SWI5: variants seen among roughly 807,000 people sequenced by gnomAD.
The protein encoded by SWI5 is DNA repair protein SWI5 homolog.
A neutral mutation model predicts 17.0 loss-of-function variants in SWI5; 12 were observed. The observed-to-expected ratio is 0.71, with a 90% CI of 0.45 to 1.14. The LOEUF is 1.14. Among genes scored for constraint, SWI5 ranks in the 50% most tolerant of loss-of-function variants. The pLI is 0.00. For missense variants in SWI5, 158 were observed against 162.2 expected (o/e 0.97, Z 0.14); for synonymous variants, 61 against 64.0 (o/e 0.95, Z 0.22).
chr9:128,276,299 C>A, exon 1 of SWI5: 5 of 1,612,886 alleles, frequency 3.1e-6, no homozygotes, highest in Non-Finnish European at 3.4e-6. Flanking sequence ...GGTCAGAGTT[C>A]CTGGCCCGGT....
At chr9:128,277,948 CTTTTTT>C (rs71381748) in intron 2 of SWI5, among the ~76,000 whole-genome samples, 169 of 80,874 alleles carry the variant, frequency 2.1e-3, no homozygotes, top group African/African-American at 6.9e-3. Context: ...CATTCCTTCT[CTTTTTT>C]TTTTTTTTTT....
chr9:128,284,288 CAAAAAAAA>C (rs78361264), intron 2 of SWI5, among the ~76,000 whole-genome samples: 1 of 79,300 alleles, frequency 1.3e-5, no homozygotes, highest in African/African-American at 4.1e-5. Context: ...GACTCCGTCT[CAAAAAAAA>C]AAAAAAAAAA....
rs775394848 is a variant in SWI5 at position 128,276,804 on chromosome 9, T to TAAGGGG, written c.111+49_111+50insAAGGGG. ...CCCTTTCCCATCCTCGACCTTCCCT[T>TAAGGGG]GTGCGCTCCCGGCCCCACTCCCCAT... On this transcript the variant is annotated intron_variant, in intron 2 of 4. Transcript: ENST00000418976. 3 of 1,553,054 alleles carry TAAGGGG rather than the reference T, an allele frequency of 1.9e-6. No individual in the cohort carries two copies. The African/African-American group carries it at 4.1e-5, about 21-fold the overall frequency.
chr9:128,280,064 A>G (rs1477585299), intron 2 of SWI5, among the ~76,000 whole-genome samples: 3 of 152,196 alleles, frequency 2.0e-5, no homozygotes, highest in African/African-American at 7.2e-5. Flanking sequence ...ATAATTGTCC[A>G]TGATCATCTC....
At position 128,285,995 on chromosome 9, in the gene SWI5, A is replaced by G; in HGVS notation, c.290A>G (p.Asp97Gly). 1 of 1,614,038 alleles carries G rather than the reference A, an allele frequency of 6.2e-7. No homozygotes were observed. The highest frequency in any genetic ancestry group is 2.2e-5 in the East Asian group (1 of 44,882). The change falls in exon 4 of 5, where the codon GAC (aspartate) becomes GGC (glycine). Residue 97 changes from aspartate to glycine, a missense_variant. Transcript: ENST00000418976. This position sits in a 1 kb window ranked among gnomAD's most constrained non-coding sequence, Gnocchi z 4.8. ...ATTACCCAGCTTCACGAGTACAATG[A>G]CATCAAGGATGTGGGGCAGATGCTG... is the stretch of plus-strand genomic sequence containing the variant.
At chr9:128,280,707 C>T (rs1394569788) in intron 2 of SWI5, among the ~76,000 whole-genome samples, 4 of 152,076 alleles carry the variant, frequency 2.6e-5, no homozygotes, top group South Asian at 2.1e-4. Flanking sequence ...TTAGTAGAGA[C>T]GGGGTTTCAC....
rs760180618 is a variant in SWI5 at position 128,276,270 on chromosome 9, T to C, written c.-71T>C. 6 of 1,612,556 alleles carry C rather than the reference T, an allele frequency of 3.7e-6. No individual in the cohort carries two copies. The African/African-American group carries it at 5.3e-5, about 14-fold the overall frequency. On this transcript the variant is annotated 5_prime_UTR_variant, in exon 1 of 5. Transcript: ENST00000418976. ...CCTTGGGTGCGCGCGCAGCTTTCTG[T>C]GCGCCAGTTCACACTCCGGGTCAGA...
At position 128,285,418 on chromosome 9, in the gene SWI5, G is replaced by C. The variant is rs1027203954; in HGVS notation, c.234-521G>C. On this transcript the variant is annotated intron_variant, in intron 3 of 4. Coordinates refer to ENST00000418976, the Ensembl canonical transcript of SWI5. The surrounding 1 kb of genome is among the most constrained non-coding windows in gnomAD (Gnocchi z 4.8). ...CTGAACTAGGACTGGAAAGCTATCT[G>C]GGATGGAAGCTGTTGCTCTTCCAGT... 7.2e-5 allele frequency among the ~76,000 whole-genome samples: 11 copies of C among 152,272 alleles called. No homozygotes were observed. The highest frequency in any genetic ancestry group is 2.6e-4 in the African/African-American group (11 of 41,552).
chr9:128,284,023 C>T (rs1831588411), intron 2 of SWI5, among the ~76,000 whole-genome samples: 1 of 151,506 alleles, frequency 6.6e-6, no homozygotes, highest in Non-Finnish European at 1.5e-5. Flanking sequence ...TGGGGCTAGG[C>T]ACAGTGGCTC....
intron 2 of SWI5, chr9:128,278,587 A>G (rs1831478896): frequency 2.2e-6 from 1 of 447,532 alleles, no homozygotes; most frequent in Admixed American, 2.7e-5. Context: ...AGGAGGCTCT[A>G]TTGAGCATTG....
upstream of SWI5, chr9:128,275,509 T>A: frequency 7.7e-7 from 1 of 1,304,356 alleles, no homozygotes; most frequent in Non-Finnish European, 9.8e-7. Context: ...GAGGGTCGAG[T>A]CTGGAGCGGG....
intron 2 of SWI5, among the ~76,000 whole-genome samples, chr9:128,280,002 A>G (rs1564373485): frequency 6.6e-6 from 1 of 152,224 alleles, no homozygotes. Flanking sequence ...TAGTAGTGCA[A>G]CAAGGAGTAA....
intron 1 of SWI5, 145 bp downstream of exon 1, chr9:128,276,547 C>T (rs1831385480): frequency 6.3e-7 from 1 of 1,582,982 alleles, no homozygotes; most frequent in Admixed American, 1.7e-5. Context: ...CCTAGAGGGT[C>T]TCTACCCTGA....
chr9:128,276,227 A>G (rs754334400), upstream of SWI5: 10 of 1,610,054 alleles, frequency 6.2e-6, no homozygotes, highest in African/African-American at 5.4e-5. Context: ...ACCTCGGGAG[A>G]GGGGCGGGGC....
At chr9:128,288,784 G>A in exon 5 of SWI5, 3 of 1,549,648 alleles carry the variant, frequency 1.9e-6, no homozygotes, top group Non-Finnish European at 1.8e-6. Flanking sequence ...AACACTGAGA[G>A]CCCAACCAGC....
rs1285549095 is a variant in SWI5 at position 128,285,176 on chromosome 9, G to A, written c.233+545G>A. On this transcript the variant is annotated intron_variant, in intron 3 of 4. Coordinates refer to ENST00000418976, the Ensembl canonical transcript of SWI5. The surrounding 1 kb of genome is among the most constrained non-coding windows in gnomAD (Gnocchi z 4.8). ...GCGAGACTTGGTAAAGAAAGAGAAA[G>A]AGGGCGAGAGGGAGAGAGAGAGGAG... Among the ~76,000 whole-genome samples, 2 of 150,612 alleles carry A rather than the reference G, an allele frequency of 1.3e-5. No individual in the cohort carries two copies. Among genetic ancestry groups the A allele is most frequent in the Non-Finnish European group, 2.9e-5 (2 of 67,800 alleles).
At chr9:128,277,759 C>G (rs540930206) in intron 2 of SWI5, among the ~76,000 whole-genome samples, 2 of 152,276 alleles carry the variant, frequency 1.3e-5, no homozygotes, top group African/African-American at 4.8e-5. Context: ...ATGGCAGGGT[C>G]AGAGGCAGGG....
intron 4 of SWI5, 57 bp downstream of exon 4, chr9:128,286,090 AG>A (rs1564375630): frequency 7.3e-7 from 1 of 1,369,008 alleles, no homozygotes; most frequent in Admixed American, 1.7e-5. Flanking sequence ...CGTCTCGCCT[AG>A]GGGTGTTGGG....
chr9:128,276,904 C>T (rs1261330971), intron 2 of SWI5, 149 bp downstream of exon 2: 1 of 791,040 alleles, frequency 1.3e-6, no homozygotes, highest in Non-Finnish European at 2.0e-6. Context: ...CAGGTCATTC[C>T]CGAATCCCTC....
Sources: gnomAD v4.1 joint callset for allele counts (sites outside exome capture counted in the v4.1 genomes callset) on GRCh38, gnomAD v4.1.1 for gene constraint, Gnocchi (gnomAD v3.1) non-coding constraint, MANE v1.5 for transcripts, NCBI Gene and HGNC (gene_info 2026-07-23, HGNC 2026-07-21) for gene names.